Variants in ANKS1B observed in about 807,000 individuals in gnomAD.
ANKS1B encodes ankyrin repeat and sterile alpha motif domain containing 1B.
ANKS1B carries 36 observed loss-of-function variants against 148.3 expected under a neutral mutation model. The ratio of observed to expected loss-of-function variants is 0.24; its 90% CI spans 0.19 to 0.32. The LOEUF (loss-of-function observed/expected upper bound fraction) is 0.32. ANKS1B is among the 10% of genes least tolerant of loss of function. The pLI, the probability that ANKS1B is intolerant of heterozygous loss-of-function variation, is 1.00. For missense variants in ANKS1B, 1,157 were observed against 1,542.6 expected (o/e 0.75, Z 4.19); for synonymous variants, 542 against 560.8 (o/e 0.97, Z 0.47).
At chr12:98,858,620 G>A (rs1477757485) in intron 17 of ANKS1B, among the ~76,000 whole-genome samples, 1 of 152,204 alleles carries the variant, frequency 6.6e-6, no homozygotes, top group East Asian at 1.9e-4. Flanking sequence ...GACTACAGGA[G>A]TGAGCCACCA....
chr12:99,490,005 G>A (rs1207332924), intron 10 of ANKS1B, among the ~76,000 whole-genome samples: 1 of 152,142 alleles, frequency 6.6e-6, no homozygotes, highest in Non-Finnish European at 1.5e-5. Flanking sequence ...AGCTCTGGAT[G>A]TAATAATAGT....
At chr12:99,265,021 A>G (rs1183568118) in intron 12 of ANKS1B, among the ~76,000 whole-genome samples, 1 of 152,184 alleles carries the variant, frequency 6.6e-6, no homozygotes, top group Non-Finnish European at 1.5e-5. Flanking sequence ...CAATATGGTA[A>G]CCACTAACCA....
At chr12:99,503,635 G>A (rs978998665) in intron 10 of ANKS1B, among the ~76,000 whole-genome samples, 3 of 151,866 alleles carry the variant, frequency 2.0e-5, no homozygotes, top group East Asian at 1.9e-4. Flanking sequence ...AGAGTCATCC[G>A]TACTCTCTAC....
chr12:99,379,442 T>A (rs1430651152), intron 12 of ANKS1B, among the ~76,000 whole-genome samples: 1 of 152,222 alleles, frequency 6.6e-6, no homozygotes, highest in Non-Finnish European at 1.5e-5. Context: ...CTAGGGTTGT[T>A]GTGAGAATTA....
intron 15 of ANKS1B, among the ~76,000 whole-genome samples, chr12:99,120,463 T>C (rs2062498056): frequency 6.6e-6 from 1 of 151,244 alleles, no homozygotes; most frequent in South Asian, 2.1e-4. Context: ...TCTGTGAATA[T>C]AATCAATACA....
At chr12:98,800,870 A>C in intron 21 of ANKS1B, 127 bp downstream of exon 21, 1 of 1,211,378 alleles carries the variant, frequency 8.3e-7, no homozygotes. Context: ...AGTGAAGAGA[A>C]AAACATTTTA....
intron 17 of ANKS1B, among the ~76,000 whole-genome samples, chr12:99,026,472 T>A (rs990177936): frequency 6.6e-6 from 1 of 152,160 alleles, no homozygotes; most frequent in Non-Finnish European, 1.5e-5. Flanking sequence ...TATTAAGACA[T>A]CAGCCTCTAG....
chr12:98,880,610 CA>C (rs1214881045), intron 17 of ANKS1B, among the ~76,000 whole-genome samples: 1 of 151,734 alleles, frequency 6.6e-6, no homozygotes, highest in East Asian at 1.9e-4. Context: ...ACTAAAAATA[CA>C]AAAAAAGTTA....
chr12:99,955,556 T>C, intron 1 of ANKS1B, among the ~76,000 whole-genome samples: 1 of 134,490 alleles, frequency 7.4e-6, no homozygotes, highest in Non-Finnish European at 1.6e-5. Context: ...CTTTGGAGTC[T>C]CAGCATTCCA....
intron 16 of ANKS1B, among the ~76,000 whole-genome samples, chr12:99,057,029 T>A (rs754941642): frequency 2.8e-4 from 43 of 152,216 alleles, no homozygotes; most frequent in South Asian, 8.3e-4. Context: ...TTATCTTACT[T>A]TCCTCTTTCT....
At chr12:99,944,578 T>C (rs2095008672) in intron 1 of ANKS1B, among the ~76,000 whole-genome samples, 1 of 152,120 alleles carries the variant, frequency 6.6e-6, no homozygotes, top group South Asian at 2.1e-4. Context: ...TCACTTGTAA[T>C]GTGGAGGAAT....
At chr12:99,532,398 GTCGCCAGGCTGGAGTGCAGT>G (rs2097007019) in intron 9 of ANKS1B, among the ~76,000 whole-genome samples, 1 of 152,176 alleles carries the variant, frequency 6.6e-6, no homozygotes, top group African/African-American at 2.4e-5. Context: ...GTCTCGCTCT[GTCGCCAGGCTGGAGTGCAGT>G]GGCCCGATCT....
chr12:99,184,538 C>G (rs1435751116), intron 14 of ANKS1B, among the ~76,000 whole-genome samples: 1 of 152,206 alleles, frequency 6.6e-6, no homozygotes, highest in African/African-American at 2.4e-5. Flanking sequence ...GTGACCTTAG[C>G]TATCTTGTCT....
chr12:99,903,473 T>C (rs1011814021), intron 1 of ANKS1B, among the ~76,000 whole-genome samples: 13 of 152,152 alleles, frequency 8.5e-5, no homozygotes, highest in African/African-American at 2.9e-4. Context: ...TTGGAGGGAA[T>C]AAGGCTGATA....
At chr12:99,293,981 T>C (rs913485938) in intron 12 of ANKS1B, among the ~76,000 whole-genome samples, 2 of 152,050 alleles carry the variant, frequency 1.3e-5, no homozygotes, top group Admixed American at 1.3e-4. Context: ...TGAGATAGCA[T>C]CTCACCCCAG....
At chr12:98,833,164 C>T (rs575833696) in intron 17 of ANKS1B, among the ~76,000 whole-genome samples, 1 of 152,214 alleles carries the variant, frequency 6.6e-6, no homozygotes, top group East Asian at 1.9e-4. Flanking sequence ...TTTACCAGGG[C>T]CACACCCCTT....
rs2099784617 is a variant in ANKS1B, at chr12:98,910,003, CA to C, written c.2779-77868del. On this transcript the variant is annotated intron_variant, in intron 17 of 26. Coordinates refer to ENST00000683438, the MANE Select transcript of ANKS1B (RefSeq NM_001352186.2). ...ATAAGCAGACCAGGTGCTGATCCAT[CA>C]GGCTAATTAGCAGCCTGTGGGCCAC... is the stretch of plus-strand genomic sequence containing the variant. Among the ~76,000 whole-genome samples, 4 of 152,350 alleles carry C rather than the reference CA, an allele frequency of 2.6e-5. No homozygotes were observed. In the South Asian group the frequency reaches 6.2e-4, roughly 24 times the overall value.
chr12:99,279,514 C>A (rs2078110766), intron 12 of ANKS1B, among the ~76,000 whole-genome samples: 1 of 152,206 alleles, frequency 6.6e-6, no homozygotes, highest in Admixed American at 6.5e-5. Context: ...GTTTCTCTCT[C>A]TATAGATTTG....
intron 10 of ANKS1B, among the ~76,000 whole-genome samples, chr12:99,448,416 A>G (rs572030322): frequency 6.6e-6 from 1 of 152,258 alleles, no homozygotes; most frequent in Admixed American, 6.5e-5. Flanking sequence ...GAAGCAGAGA[A>G]TAGAATGGTG....
Sources: gnomAD v4.1 joint callset for allele counts (sites outside exome capture counted in the v4.1 genomes callset) on GRCh38, gnomAD v4.1.1 for gene constraint, MANE v1.5 for transcripts, NCBI Gene and HGNC (gene_info 2026-07-23, HGNC 2026-07-21) for gene names.